MYO3B: variants seen among roughly 807,000 people sequenced by gnomAD.
The protein encoded by MYO3B is myosin-IIIb.
In MYO3B, 156 loss-of-function variants were observed where a neutral mutation model predicts 174.6. The ratio of observed to expected loss-of-function variants is 0.89; its 90% confidence interval spans 0.78 to 1.02. The LOEUF is 1.02. Ranked by LOEUF, MYO3B falls within the 50% of genes least tolerant of loss-of-function variation. The probability of loss-of-function intolerance (pLI) is 0.00; values close to 1 mark genes in which losing one functional copy is unlikely to be tolerated. For synonymous variants in MYO3B, 563 were observed against 569.1 expected (o/e 0.99, Z 0.15); for missense variants, 1,632 against 1,639.4 (o/e 1.00, Z 0.08).
intron 32 of MYO3B, chr2:170,601,826 T>C (rs1694527383): frequency 3.0e-6 from 3 of 1,014,906 alleles, no homozygotes; most frequent in Non-Finnish European, 4.6e-6. Context: ...GCAAAAGTGT[T>C]ATTCCACATC....
chr2:170,388,727 C>T (rs370530849), intron 14 of MYO3B, among the ~76,000 whole-genome samples: 32 of 152,232 alleles, frequency 2.1e-4, no homozygotes, highest in African/African-American at 5.5e-4. Context: ...TAGACTAAGG[C>T]GGTGGCAGTG....
intron 30 of MYO3B, among the ~76,000 whole-genome samples, chr2:170,536,471 G>T (rs575713922): frequency 1.3e-5 from 2 of 152,344 alleles, no homozygotes; most frequent in East Asian, 3.9e-4. Flanking sequence ...AAAAGTTACT[G>T]GGTATCCAAA....
chr2:170,646,792 G>C, intron 32 of MYO3B: 1 of 559,108 alleles, frequency 1.8e-6, no homozygotes, highest in Non-Finnish European at 3.1e-6. Flanking sequence ...TTAACCTTAT[G>C]GTGTATGAAT....
chr2:170,462,902 G>A (rs2105958049), intron 23 of MYO3B, among the ~76,000 whole-genome samples: 1 of 140,878 alleles, frequency 7.1e-6, no homozygotes, highest in East Asian at 2.4e-4. Flanking sequence ...TGGGTGGTAG[G>A]AGGAGTCTGA....
chr2:170,466,560 C>G lies in MYO3B; in HGVS notation c.2863C>G (p.Arg955Gly), dbSNP rs572179158. 3 of 1,614,032 alleles carry G rather than the reference C, an allele frequency of 1.9e-6. No homozygotes were observed. Among genetic ancestry groups the G allele is most frequent in the African/African-American group, 1.3e-5 (1 of 74,914 alleles). ...KMVVGQPHFV[R>G]CIKPNDDREA... ...GGTGGTTGGACAGCCCCACTTTGTG[C>G]GCTGCATTAAACCCAATGATGACCG... Residue 955 changes from arginine (R) to glycine (G), a missense_variant, in exon 25 of 35, where the codon CGC becomes GGC. Transcript: ENST00000408978.
At chr2:170,242,889 C>G (rs989031072) in intron 7 of MYO3B, among the ~76,000 whole-genome samples, 4 of 152,132 alleles carry the variant, frequency 2.6e-5, no homozygotes, top group African/African-American at 9.7e-5. Context: ...CTGGTTTCCT[C>G]TCTACTCCAG....
chr2:170,561,481 T>C (rs78870435), intron 32 of MYO3B, among the ~76,000 whole-genome samples: 2,653 of 152,288 alleles, frequency 0.017, 63 homozygotes, highest in East Asian at 0.088. Flanking sequence ...ATCACAAGCC[T>C]CTGTGGGAGG....
At chr2:170,386,808 C>T (rs2094378919) in intron 13 of MYO3B, among the ~76,000 whole-genome samples, 3 of 152,320 alleles carry the variant, frequency 2.0e-5, no homozygotes, top group African/African-American at 4.8e-5. Flanking sequence ...AGAAAAGTTA[C>T]GGGATCTATT....
chr2:170,414,725 A>G (rs1017804151), intron 22 of MYO3B, among the ~76,000 whole-genome samples: 1 of 152,142 alleles, frequency 6.6e-6, no homozygotes, highest in African/African-American at 2.4e-5. Context: ...TGATATGTCT[A>G]TTTATTTGGA....
intron 16 of MYO3B, among the ~76,000 whole-genome samples, chr2:170,393,084 CT>C (rs11427527): frequency 0.5 from 66,591 of 133,438 alleles, 15,576 homozygotes; most frequent in East Asian, 0.63. Flanking sequence ...TACTGTACTA[CT>C]TTTTTTTTTT....
intron 7 of MYO3B, among the ~76,000 whole-genome samples, chr2:170,243,400 T>G (rs567914771): frequency 6.6e-6 from 1 of 152,282 alleles, no homozygotes; most frequent in African/African-American, 2.4e-5. Context: ...TAAGCACAGA[T>G]AGAGGAAGGA....
chr2:170,580,265 A>G (rs1374316060), intron 32 of MYO3B, among the ~76,000 whole-genome samples: 1 of 152,196 alleles, frequency 6.6e-6, no homozygotes, highest in Admixed American at 6.5e-5. Flanking sequence ...TTATAACAGT[A>G]TGATTTTTTC....
chr2:170,450,056 C>T (rs1683501085), intron 23 of MYO3B, among the ~76,000 whole-genome samples: 1 of 152,176 alleles, frequency 6.6e-6, no homozygotes, highest in African/African-American at 2.4e-5. Flanking sequence ...CTACAACTGA[C>T]TAGGAATTTT....
chr2:170,221,178 C>T (rs540058667), intron 6 of MYO3B, among the ~76,000 whole-genome samples: 1 of 152,072 alleles, frequency 6.6e-6, no homozygotes, highest in South Asian at 2.1e-4. Context: ...GATATGCTTT[C>T]ACTTCTGCTT....
chr2:170,385,914 A>G (rs1489686320), intron 12 of MYO3B: 1 of 241,570 alleles, frequency 4.1e-6, no homozygotes, highest in African/African-American at 2.3e-5. Context: ...ACTTAAGTAT[A>G]AGGTTATTCA....
At chr2:170,343,746 C>A (rs199721173) in intron 8 of MYO3B, 1 of 152,188 alleles carries the variant, frequency 6.6e-6, no homozygotes. Flanking sequence ...AGATTAAGAG[C>A]GTAGGGTCTA....
At chr2:170,433,526 C>G (rs2094727722) in intron 22 of MYO3B, among the ~76,000 whole-genome samples, 1 of 152,196 alleles carries the variant, frequency 6.6e-6, no homozygotes, top group Non-Finnish European at 1.5e-5. Context: ...AATATCTTAA[C>G]TGAATTACTT....
At chr2:170,318,822 A>C (rs1024563934) in intron 7 of MYO3B, among the ~76,000 whole-genome samples, 2 of 117,064 alleles carry the variant, frequency 1.7e-5, no homozygotes, top group African/African-American at 5.2e-5. Context: ...GAGGCCAAAA[A>C]AATCTGTGTC....
chr2:170,396,066 C>T (rs1200001679), intron 16 of MYO3B, among the ~76,000 whole-genome samples: 1 of 152,160 alleles, frequency 6.6e-6, no homozygotes, highest in Non-Finnish European at 1.5e-5. Flanking sequence ...ACAGTTTATA[C>T]CCATCAACAA....
Sources: gnomAD v4.1 joint callset for allele counts (sites outside exome capture counted in the v4.1 genomes callset) on GRCh38, gnomAD v4.1.1 for gene constraint, MANE v1.5 for transcripts, NCBI Gene and HGNC (gene_info 2026-07-23, HGNC 2026-07-21) for gene names.